PRMT3: variants seen among roughly 807,000 people sequenced by gnomAD.
The protein encoded by PRMT3 is protein arginine N-methyltransferase 3.
In PRMT3, 62 loss-of-function variants were observed where a neutral mutation model predicts 71.9. The ratio of observed to expected loss-of-function variants is 0.86; its 90% CI spans 0.70 to 1.07. The LOEUF (loss-of-function observed/expected upper bound fraction) is 1.07. PRMT3 is among the 50% of genes least tolerant of loss of function. The probability of loss-of-function intolerance (pLI) is 0.00; values close to 1 mark genes in which losing one functional copy is unlikely to be tolerated. For synonymous variants in PRMT3, 213 were observed against 220.4 expected, an observed-to-expected ratio of 0.97 and a Z score of 0.30; for missense variants, 663 against 643.0, an observed-to-expected ratio of 1.03 and a Z score of -0.34.
intron 13 of PRMT3, among the ~76,000 whole-genome samples, chr11:20,469,157 C>T (rs961801957): frequency 1.3e-5 from 2 of 152,148 alleles, no homozygotes; most frequent in Non-Finnish European, 2.9e-5. Flanking sequence ...TGGCTCCTGA[C>T]ATTTCATCTA....
chr11:20,395,795 T>G lies in PRMT3; in HGVS notation c.401-8T>G. On this transcript the variant is annotated splice_polypyrimidine_tract_variant and splice_region_variant and intron_variant, in intron 5 of 15. Transcript: ENST00000331079. ...TGGCCTGATAATAATGTCCATTTAT[T>G]TCTTTAGATGTAGAAGATCTTTATG... The G allele has an allele frequency of 6.2e-7, 1 of 1,606,434 alleles. No individual in the cohort carries two copies. The highest frequency in any genetic ancestry group is 1.1e-5 in the South Asian group (1 of 89,476).
At chr11:20,503,136 T>C (rs902421272) in intron 15 of PRMT3, among the ~76,000 whole-genome samples, 2 of 152,194 alleles carry the variant, frequency 1.3e-5, no homozygotes, top group Non-Finnish European at 2.9e-5. Context: ...CTTTAAACTA[T>C]CTTGCTTTAT....
Position 20,476,832 on chromosome 11 carries a change from G to A in PRMT3, c.1347+12286G>A, listed in dbSNP as rs546002008. Among the ~76,000 whole-genome samples, 4 of 151,942 alleles carry A rather than the reference G, an allele frequency of 2.6e-5. No homozygotes were observed. The South Asian group carries it at 8.3e-4, about 32-fold the overall frequency. ...ACATTTATAATCATTCTTTTAAGAT[G>A]TAATTTGCTAATTCCCCAAGTGATC... On this transcript the variant is annotated intron_variant, in intron 13 of 15. Coordinates refer to ENST00000331079, the MANE Select transcript of PRMT3 (RefSeq NM_005788.4).
At chr11:20,459,783 G>C (rs894753) in intron 11 of PRMT3, among the ~76,000 whole-genome samples, 139,129 of 152,250 alleles carry the variant, frequency 0.91, 64,295 homozygotes, top group Non-Finnish European at 0.99. Flanking sequence ...TCCTAAGGAT[G>C]TGGTTCAACA....
In PRMT3 at chr11:20,460,177, C is replaced by T. The variant is rs148539430; in HGVS notation, c.1073-1803C>T. Among the ~76,000 whole-genome samples, 98 of 152,166 alleles carry T rather than the reference C, an allele frequency of 6.4e-4. No homozygotes were observed. The East Asian group carries it at 0.015, about 23-fold the overall frequency. On this transcript the variant is annotated intron_variant, in intron 11 of 15. Transcript: ENST00000331079. ...AAATTGCTAAGGCTGTGGAAATAAA[C>T]GTTAGGAGGAAGGAGAGAGTAATTT...
rs144759810 is a variant in PRMT3, at chr11:20,494,584, C to G, written c.1486+330C>G. On this transcript the variant is annotated intron_variant, in intron 15 of 15. Transcript: ENST00000331079. The stretch of plus-strand genomic sequence containing the variant: ...AAGTGATCCACCTGCCTCGGCCCCC[C>G]CAAAGTGCTGGGATTGCAGGTGTGA... Among the ~76,000 whole-genome samples, 24 of 152,288 alleles carry G rather than the reference C, an allele frequency of 1.6e-4. No homozygotes were observed. In the South Asian group the frequency reaches 3.5e-3, roughly 22 times the overall value.
At chr11:20,422,328 C>G (rs1054692809) in intron 9 of PRMT3, among the ~76,000 whole-genome samples, 1 of 151,990 alleles carries the variant, frequency 6.6e-6, no homozygotes, top group African/African-American at 2.4e-5. Context: ...TAGTAGTCCC[C>G]GAAACTTGTC....
intron 13 of PRMT3, among the ~76,000 whole-genome samples, chr11:20,472,262 A>G (rs1317486093): frequency 6.6e-6 from 1 of 152,202 alleles, no homozygotes; most frequent in African/African-American, 2.4e-5. Context: ...GAGAGAGGGC[A>G]TCCTTGTCTT....
chr11:20,489,897 C>T (rs191324805), intron 13 of PRMT3, among the ~76,000 whole-genome samples: 26 of 150,078 alleles, frequency 1.7e-4, no homozygotes, highest in African/African-American at 6.1e-4. Flanking sequence ...GGCACCATAG[C>T]GGGACTCCAT....
chr11:20,395,259 C>T (rs1201169811), intron 5 of PRMT3, among the ~76,000 whole-genome samples: 7 of 151,744 alleles, frequency 4.6e-5, no homozygotes, highest in African/African-American at 1.5e-4. Flanking sequence ...AATATATGTT[C>T]AGTTTAGCCA....
Position 20,407,910 on chromosome 11 carries a change from G to A in PRMT3, c.772-1G>A. 1 of 1,606,824 alleles carries A rather than the reference G, an allele frequency of 6.2e-7. No homozygotes were observed. The highest frequency in any genetic ancestry group is 8.5e-7 in the Non-Finnish European group (1 of 1,176,008). ...TTTTGGTTTTTTCTTAATTACCCTA[G>A]GTAGTTTTGGATGTTGGGTGTGGAA... On this transcript the variant is annotated splice_acceptor_variant, in intron 8 of 15. Transcript: ENST00000331079. LOFTEE classifies it high-confidence loss of function.
At chr11:20,427,572 A>G (rs12364471) in intron 10 of PRMT3, among the ~76,000 whole-genome samples, 1 of 151,810 alleles carries the variant, frequency 6.6e-6, no homozygotes, top group South Asian at 2.1e-4. Context: ...TAAAAATACA[A>G]AGATTAGCTG....
chr11:20,397,685 A>C lies in PRMT3; in HGVS notation c.669A>C (p.Ser223=). ...QEDEDGVYFS[S]YGHYGIHEEM... Reference sequence around the variant, plus strand: ...ATGAGGATGGTGTTTATTTCAGCTCATACGGGCATTATGGGATACATGAAG... The same window carrying C: ...ATGAGGATGGTGTTTATTTCAGCTCCTACGGGCATTATGGGATACATGAAG... The change falls in exon 7 of 16, where the codon TCA becomes TCC. Residue 223 remains serine (S), a synonymous_variant. Transcript: ENST00000331079. 6.2e-7 allele frequency: 1 copy of C among 1,614,202 alleles called. No individual in the cohort carries two copies. Among genetic ancestry groups the C allele is most frequent in the Non-Finnish European group, 8.5e-7 (1 of 1,180,030 alleles).
At chr11:20,417,721 C>G (rs547832705) in intron 9 of PRMT3, among the ~76,000 whole-genome samples, 1 of 152,150 alleles carries the variant, frequency 6.6e-6, no homozygotes, top group African/African-American at 2.4e-5. Context: ...TCTTGTTGCT[C>G]TAGTCATACT....
chr11:20,445,770 TA>T (rs1850014060), intron 10 of PRMT3, among the ~76,000 whole-genome samples: 1 of 152,144 alleles, frequency 6.6e-6, no homozygotes, highest in African/African-American at 2.4e-5. Context: ...CTTACATCCC[TA>T]AACAGTGTAG....
rs931522142 is a variant in PRMT3, at chr11:20,502,581, G to T, written c.1487-5723G>T. ...CCATTACTAATTCATTTTGACTGGG[G>T]TTTTTTATTTCTAAACTGAGGAATG... On this transcript the variant is annotated intron_variant, in intron 15 of 15. Coordinates refer to ENST00000331079, the MANE Select transcript of PRMT3 (RefSeq NM_005788.4). Among the ~76,000 whole-genome samples, 7 of 152,228 alleles carry T rather than the reference G, an allele frequency of 4.6e-5. No homozygotes were observed. In the East Asian group the frequency reaches 1.3e-3, roughly 29 times the overall value.
At chr11:20,449,291 A>G (rs1425113196) in intron 10 of PRMT3, among the ~76,000 whole-genome samples, 1 of 152,180 alleles carries the variant, frequency 6.6e-6, no homozygotes, top group African/African-American at 2.4e-5. Context: ...CCAGTTGCCA[A>G]CTGAGATATT....
intron 10 of PRMT3, among the ~76,000 whole-genome samples, chr11:20,451,523 C>T (rs1242708175): frequency 6.6e-6 from 1 of 151,692 alleles, no homozygotes; most frequent in Non-Finnish European, 1.5e-5. Context: ...AAAAGAAAGT[C>T]ACTAGACAGG....
intron 11 of PRMT3, among the ~76,000 whole-genome samples, chr11:20,453,315 T>C (rs973231047): frequency 1.5e-5 from 2 of 134,788 alleles, no homozygotes; most frequent in Non-Finnish European, 3.2e-5. Context: ...ACCCCGTCTT[T>C]ACTAAAAAAA....
Sources: gnomAD v4.1 joint callset for allele counts (sites outside exome capture counted in the v4.1 genomes callset) on GRCh38, gnomAD v4.1.1 for gene constraint, MANE v1.5 for transcripts, NCBI Gene and HGNC (gene_info 2026-07-23, HGNC 2026-07-21) for gene names.